Variants in PTPRT observed in about 807,000 individuals in gnomAD.
PTPRT encodes protein tyrosine phosphatase receptor type T.
A neutral mutation model predicts 176.8 loss-of-function variants in PTPRT; 56 were observed. That is an observed-to-expected ratio of 0.32 (90% CI 0.26 to 0.40). The LOEUF (loss-of-function observed/expected upper bound fraction) is 0.40. Ranked by LOEUF, PTPRT falls within the 10% of genes least tolerant of loss-of-function variation. The pLI is 1.00. For synonymous variants in PTPRT, 783 were observed against 739.0 expected, an observed-to-expected ratio of 1.06 and a Z score of -0.96; for missense variants, 1,540 against 1,908.2, an observed-to-expected ratio of 0.81 and a Z score of 3.60.
intron 1 of PTPRT, among the ~76,000 whole-genome samples, chr20:43,161,820 C>T (rs1449167655): frequency 1.3e-5 from 2 of 152,206 alleles, no homozygotes; most frequent in East Asian, 3.8e-4. Flanking sequence ...CTGCCCATTC[C>T]CATCTGGGCT....
the PTPRT span, among the ~76,000 whole-genome samples, chr20:42,054,967 C>A: frequency 2.0e-5 from 3 of 152,304 alleles, no homozygotes; most frequent in Admixed American, 1.3e-4. Context: ...GAAAAGGAAT[C>A]GTTTTAAAGA....
intron 7 of PTPRT, among the ~76,000 whole-genome samples, chr20:42,527,595 A>G (rs918519711): frequency 7.9e-5 from 12 of 152,140 alleles, no homozygotes; most frequent in African/African-American, 2.4e-4. Flanking sequence ...GGAGAAGGGG[A>G]AAAAAAGCAG....
At chr20:42,662,300 C>T (rs1461244115) in intron 7 of PTPRT, among the ~76,000 whole-genome samples, 2 of 152,054 alleles carry the variant, frequency 1.3e-5, no homozygotes, top group South Asian at 2.1e-4. Context: ...ACCAAAGGCT[C>T]CAATTTACTA....
chr20:42,773,016 C>T (rs1210584574), intron 4 of PTPRT, among the ~76,000 whole-genome samples: 1 of 152,168 alleles, frequency 6.6e-6, no homozygotes, highest in African/African-American at 2.4e-5. Flanking sequence ...ACTTTAGCCC[C>T]AAACTCAGCA....
chr20:43,182,242 G>T (rs1363518468), intron 1 of PTPRT, among the ~76,000 whole-genome samples: 1 of 152,102 alleles, frequency 6.6e-6, no homozygotes, highest in East Asian at 1.9e-4. Context: ...CAAAATGAGG[G>T]GTGGTCTGAG....
intron 15 of PTPRT, among the ~76,000 whole-genome samples, chr20:42,231,549 T>C (rs2056135666): frequency 6.6e-6 from 1 of 152,210 alleles, no homozygotes. Context: ...CTTATTCACT[T>C]TTGTGCCTGC....
chr20:42,236,339 T>A, intron 14 of PTPRT, 81 bp from the exon 15 acceptor site: 3 of 1,207,686 alleles, frequency 2.5e-6, no homozygotes, highest in South Asian at 1.3e-5. Context: ...GAATTAGATT[T>A]TTAATGAAAT....
At chr20:42,758,946 C>A (rs1054970586) in intron 5 of PTPRT, among the ~76,000 whole-genome samples, 16 of 152,232 alleles carry the variant, frequency 1.1e-4, no homozygotes, top group Admixed American at 9.8e-4. Flanking sequence ...CAGGAGATGG[C>A]ACAACTTGGA....
chr20:42,796,674 T>C lies in PTPRT; in HGVS notation c.215-5208A>G, dbSNP rs114505279. Among the ~76,000 whole-genome samples the C allele has an allele frequency of 1.8e-3, 275 of 152,370 alleles. 1 individual carries two copies. Among genetic ancestry groups the C allele is most frequent in the African/African-American group, 6.4e-3 (267 of 41,594 alleles). ...TCAGGAAGCAGAAGCATAGAAGTCC[T>C]AGGCATTCTACATGTCACATGACTT... On this transcript the variant is annotated intron_variant, in intron 2 of 30. Transcript: ENST00000373187.
At chr20:42,771,859 G>A (rs1281071045) in intron 4 of PTPRT, among the ~76,000 whole-genome samples, 2 of 152,172 alleles carry the variant, frequency 1.3e-5, no homozygotes, top group Non-Finnish European at 2.9e-5. Context: ...CAGAGGGGGA[G>A]GGAACCAGGA....
intron 7 of PTPRT, among the ~76,000 whole-genome samples, chr20:42,527,854 T>A (rs1380776604): frequency 6.6e-6 from 1 of 152,246 alleles, no homozygotes; most frequent in Non-Finnish European, 1.5e-5. Flanking sequence ...GGATGCATTG[T>A]GTTAATAGCA....
intron 7 of PTPRT, among the ~76,000 whole-genome samples, chr20:42,563,852 C>A (rs1686705361): frequency 2.0e-5 from 3 of 152,172 alleles, no homozygotes; most frequent in Admixed American, 6.5e-5. Context: ...ACCTCAGTAA[C>A]CTCAAAGATT....
chr20:42,139,702 C>A (rs1333680221), intron 18 of PTPRT, among the ~76,000 whole-genome samples: 2 of 152,350 alleles, frequency 1.3e-5, no homozygotes, highest in East Asian at 1.9e-4. Context: ...TAGGGTGAAG[C>A]AAGCTCAGAG....
chr20:42,662,966 A>G (rs534747129), intron 7 of PTPRT, among the ~76,000 whole-genome samples: 5 of 148,130 alleles, frequency 3.4e-5, no homozygotes, highest in Non-Finnish European at 7.4e-5. Context: ...ACCTGAATAT[A>G]TGTGTGTGTG....
chr20:43,043,175 T>G (rs2425560), intron 1 of PTPRT, among the ~76,000 whole-genome samples: 48,358 of 152,016 alleles, frequency 0.32, 10,651 homozygotes, highest in African/African-American at 0.62. Context: ...CCCCTGCAAG[T>G]TGAAGTGCTG....
intron 6 of PTPRT, among the ~76,000 whole-genome samples, chr20:42,682,884 C>T (rs777446453): frequency 1.3e-5 from 2 of 152,188 alleles, no homozygotes. Flanking sequence ...AGTTTGACTC[C>T]CTAGAAATTC....
intron 7 of PTPRT, among the ~76,000 whole-genome samples, chr20:42,584,464 C>T (rs1371793055): frequency 6.6e-6 from 1 of 152,096 alleles, no homozygotes; most frequent in Non-Finnish European, 1.5e-5. Context: ...ACGGCATGGT[C>T]CCTGGCTTCA....
intron 6 of PTPRT, among the ~76,000 whole-genome samples, chr20:42,713,956 G>A (rs1371986322): frequency 6.6e-6 from 1 of 152,116 alleles, no homozygotes; most frequent in Non-Finnish European, 1.5e-5. Context: ...TGTATAACCT[G>A]CAGAACCATG....
At chr20:42,698,035 T>C (rs548057244) in intron 6 of PTPRT, among the ~76,000 whole-genome samples, 2 of 152,346 alleles carry the variant, frequency 1.3e-5, no homozygotes, top group African/African-American at 4.8e-5. Flanking sequence ...ATCATTCCTA[T>C]AGAGCTCTTC....
Sources: gnomAD v4.1 joint callset for allele counts (sites outside exome capture counted in the v4.1 genomes callset) on GRCh38, gnomAD v4.1.1 for gene constraint, MANE v1.5 for transcripts, NCBI Gene and HGNC (gene_info 2026-07-23, HGNC 2026-07-21) for gene names.